Variants in ZFYVE28 observed in about 807,000 individuals in gnomAD.
ZFYVE28 encodes zinc finger FYVE-type containing 28, also known as lateral signaling target protein 2 homolog.
ZFYVE28 carries 40 observed loss-of-function variants against 82.1 expected under a neutral mutation model. That is an observed-to-expected ratio of 0.49 (90% CI 0.38 to 0.63). The LOEUF (loss-of-function observed/expected upper bound fraction) is 0.63. ZFYVE28 is among the 30% of genes least tolerant of loss of function. The pLI is 0.00. For missense variants in ZFYVE28, 1,321 were observed against 1,242.1 expected (o/e 1.06, Z -0.96); for synonymous variants, 612 against 546.1 (o/e 1.12, Z -1.68).
In ZFYVE28 at chr4:2,310,276, C is replaced by T. The variant is rs183431436; in HGVS notation, c.804-4740G>A. Among the ~76,000 whole-genome samples, 573 of 152,198 alleles carry T rather than the reference C, an allele frequency of 3.8e-3. 4 individuals carry two copies. The highest frequency in any genetic ancestry group is 0.013 in the African/African-American group (555 of 41,528). On this transcript the variant is annotated intron_variant, in intron 7 of 12. Transcript: ENST00000290974. ...TTGGTCCCAAACTCCTGGGCTCAAG[C>T]GATCCTCCTGCCTCAGCCTTCCAAA...
At position 2,270,648 on chromosome 4, in the gene ZFYVE28, G is replaced by C; in HGVS notation, c.*77C>G. ...CGGCAGCGGCCTCATGAGACGCAGT[G>C]AGACCTGCCTGCAGCGTGGCCCCAC... On this transcript the variant is annotated 3_prime_UTR_variant, in exon 13 of 13. Transcript: ENST00000290974. 6.3e-7 allele frequency: 1 copy of C among 1,593,210 alleles called. No homozygotes were observed. The highest frequency in any genetic ancestry group is 8.6e-7 in the Non-Finnish European group (1 of 1,168,920).
At chr4:2,342,721 C>G (rs1252193668) in intron 2 of ZFYVE28, 1 of 152,092 alleles carries the variant, frequency 6.6e-6, no homozygotes, top group Non-Finnish European at 1.5e-5. Context: ...GTAAATTTGT[C>G]CTATTCTTTA....
At chr4:2,290,122 C>T (rs959578212) in intron 8 of ZFYVE28, among the ~76,000 whole-genome samples, 2 of 152,196 alleles carry the variant, frequency 1.3e-5, no homozygotes, top group Non-Finnish European at 2.9e-5. Context: ...GGTCACCAGG[C>T]CCCCAGCCTG....
intron 8 of ZFYVE28, among the ~76,000 whole-genome samples, chr4:2,288,957 C>T (rs553132112): frequency 6.6e-6 from 1 of 151,994 alleles, no homozygotes; most frequent in African/African-American, 2.4e-5. Context: ...CAGAGTGAGA[C>T]CCTGCCTCAA....
At chr4:2,379,191 AT>A (rs1728472089) in intron 1 of ZFYVE28, among the ~76,000 whole-genome samples, 1 of 152,218 alleles carries the variant, frequency 6.6e-6, no homozygotes, top group Admixed American at 6.5e-5. Context: ...AGGTGTGGGC[AT>A]TGGGGGGACC....
At chr4:2,359,811 C>T (rs545618320) in intron 1 of ZFYVE28, among the ~76,000 whole-genome samples, 11 of 152,292 alleles carry the variant, frequency 7.2e-5, no homozygotes, top group African/African-American at 2.6e-4. Flanking sequence ...GGCCTGGGAG[C>T]CCTGACATCC....
chr4:2,356,460 C>T (rs1185914569), intron 1 of ZFYVE28, among the ~76,000 whole-genome samples: 4 of 136,554 alleles, frequency 2.9e-5, no homozygotes, highest in Admixed American at 1.6e-4. Flanking sequence ...GCCTGCCCCC[C>T]CGGCCGTTGG....
At chr4:2,413,044 G>A (rs1018991541) in intron 1 of ZFYVE28, among the ~76,000 whole-genome samples, 2 of 152,240 alleles carry the variant, frequency 1.3e-5, no homozygotes, top group Non-Finnish European at 2.9e-5. Context: ...TGCCAGGGAA[G>A]GAGAGCCCTG....
chr4:2,408,625 T>G lies in ZFYVE28; in HGVS notation c.39+9660A>C, dbSNP rs1732177413. ...CCATCTAGATGAAGCCCCACCCAGG[T>G]AAGCCCACCTAGATGATGGCGCCCC... On this transcript the variant is annotated intron_variant, in intron 1 of 12. Transcript: ENST00000290974. This position sits in a 1 kb window ranked among gnomAD's most constrained non-coding sequence, Gnocchi z 4.3. 6.6e-6 allele frequency among the ~76,000 whole-genome samples: 1 copy of G among 151,986 alleles called. No individual in the cohort carries two copies. The highest frequency in any genetic ancestry group is 2.4e-5 in the African/African-American group (1 of 41,366).
In ZFYVE28 at chr4:2,335,787, C is replaced by A. The variant is rs1270516615; in HGVS notation, c.619G>T (p.Asp207Tyr). ...LFCETVERAL[D>Y]FGYLTQDMID... Reference sequence around the variant, plus strand: ...ATGTCCTGAGTCAGGTACCCGAAGTCCAGGGCCCTGTCCGGGGAGACGGAC... The same window carrying A: ...ATGTCCTGAGTCAGGTACCCGAAGTACAGGGCCCTGTCCGGGGAGACGGAC... Residue 207 changes from aspartate to tyrosine, a missense_variant, in exon 6 of 13, where the codon GAC becomes TAC. This residue lies in a region of ZFYVE28 where 343 missense variants were observed against 408.4 expected (regional missense o/e 0.84). Transcript: ENST00000290974. The surrounding 1 kb of genome is among the most constrained non-coding windows in gnomAD (Gnocchi z 5.8). 1 of 1,561,354 alleles carries A rather than the reference C, an allele frequency of 6.4e-7. No individual in the cohort carries two copies. Among genetic ancestry groups the A allele is most frequent in the Non-Finnish European group, 8.7e-7 (1 of 1,152,460 alleles).
intron 8 of ZFYVE28, among the ~76,000 whole-genome samples, chr4:2,283,109 C>T (rs1310619433): frequency 6.6e-6 from 1 of 151,838 alleles, no homozygotes; most frequent in East Asian, 1.9e-4. Context: ...GTCATCCATC[C>T]ATCCACCCAC....
chr4:2,353,409 G>C (rs1043468439), intron 2 of ZFYVE28, among the ~76,000 whole-genome samples: 1 of 152,164 alleles, frequency 6.6e-6, no homozygotes, highest in African/African-American at 2.4e-5. Flanking sequence ...AAAACCCCTC[G>C]TCATCACTTG....
In ZFYVE28 at chr4:2,307,907, A is replaced by G. The variant is rs988385278; in HGVS notation, c.804-2371T>C. ...ATAACCATATGAGACATTTTTCCTC[A>G]TGTGGTCTTCTATTGACTCAGCCCA... On this transcript the variant is annotated intron_variant, in intron 7 of 12. Transcript: ENST00000290974. Among the ~76,000 whole-genome samples the G allele has an allele frequency of 1.2e-4, 18 of 152,158 alleles. 1 individual carries two copies. The highest frequency in any genetic ancestry group is 3.6e-4 in the African/African-American group (15 of 41,436).
intron 2 of ZFYVE28, among the ~76,000 whole-genome samples, chr4:2,349,998 A>G (rs1724123209): frequency 6.6e-6 from 1 of 151,418 alleles, no homozygotes; most frequent in South Asian, 2.1e-4. Flanking sequence ...TCAACTTTGT[A>G]CTGGAATTCT....
intron 2 of ZFYVE28, among the ~76,000 whole-genome samples, chr4:2,342,367 G>A (rs1281340625): frequency 3.3e-5 from 5 of 152,190 alleles, no homozygotes; most frequent in African/African-American, 1.2e-4. Flanking sequence ...GTCCCCTTCT[G>A]TAAGCCTCAA....
chr4:2,331,217 G>A (rs960128208), intron 6 of ZFYVE28, among the ~76,000 whole-genome samples: 2 of 151,946 alleles, frequency 1.3e-5, no homozygotes, highest in East Asian at 1.9e-4. Flanking sequence ...GGGAAGCGTC[G>A]CACACACACA....
Position 2,417,642 on chromosome 4 carries a change from T to G in ZFYVE28, c.39+643A>C, listed in dbSNP as rs1271749285. Reference sequence around the variant, plus strand: ...TAGGGACAAGGGAGGGGACGCGAACTGGGCCGAGGTGTGGGTCAGTCCTGG... The same window carrying G: ...TAGGGACAAGGGAGGGGACGCGAACGGGGCCGAGGTGTGGGTCAGTCCTGG... On this transcript the variant is annotated intron_variant, in intron 1 of 12. Coordinates refer to ENST00000290974, the MANE Select transcript of ZFYVE28 (RefSeq NM_020972.3). This position sits in a 1 kb window ranked among gnomAD's most constrained non-coding sequence, Gnocchi z 4.8. Among the ~76,000 whole-genome samples, 1 of 151,776 alleles carries G rather than the reference T, an allele frequency of 6.6e-6. No individual in the cohort carries two copies. The highest frequency in any genetic ancestry group is 6.5e-5 in the Admixed American group (1 of 15,270).
At chr4:2,389,517 C>G (rs1729607382) in intron 1 of ZFYVE28, among the ~76,000 whole-genome samples, 2 of 152,170 alleles carry the variant, frequency 1.3e-5, no homozygotes, top group African/African-American at 4.8e-5. Flanking sequence ...GTGCCTCCTG[C>G]TACACCCAAG....
intron 6 of ZFYVE28, among the ~76,000 whole-genome samples, chr4:2,327,566 T>C (rs1720075503): frequency 6.6e-6 from 1 of 151,994 alleles, no homozygotes; most frequent in Non-Finnish European, 1.5e-5. Flanking sequence ...CTTTCTTTTT[T>C]TCTGTTTTAC....
Sources: allele counts gnomAD v4.1 joint callset (sites outside exome capture counted in the v4.1 genomes callset), GRCh38; gene constraint gnomAD v4.1.1; regional missense constraint gnomAD v4.1.1; non-coding constraint Gnocchi (gnomAD v3.1); transcripts MANE v1.5; gene names NCBI Gene and HGNC (gene_info 2026-07-23, HGNC 2026-07-21).